The following ERICH1 variants were observed in gnomAD, a reference collection of about 807,000 sequenced individuals.
The protein encoded by ERICH1 is glutamate-rich protein 1.
A neutral mutation model predicts 39.6 loss-of-function variants in ERICH1; 56 were observed. The observed-to-expected ratio is 1.41, with a 90% confidence interval of 1.14 to 1.77. ERICH1 has a LOEUF of 1.77. ERICH1 is among the 40% of genes most tolerant of loss of function. The pLI, the probability that ERICH1 is intolerant of heterozygous loss-of-function variation, is 0.00. For synonymous variants in ERICH1, 313 were observed against 223.6 expected, an observed-to-expected ratio of 1.40 and a Z score of -3.57; for missense variants, 826 against 575.4, an observed-to-expected ratio of 1.44 and a Z score of -4.45.
In ERICH1 at chr8:715,741, C is replaced by T. The variant is rs942323199; in HGVS notation, c.169+120G>A. 24 of 1,339,006 alleles carry T rather than the reference C, an allele frequency of 1.8e-5. No individual in the cohort carries two copies. The East Asian group carries it at 3.1e-4, about 17-fold the overall frequency. The allele number at this position is 1,339,006 out of a possible 1,614,324, so 82.9% of individuals were successfully genotyped here. A position where few individuals can be genotyped will look rare whatever the true frequency, so the allele number is the denominator to read the frequency against. ...GCCTGCCCTGCCCACCTGCTGCAGGCCCTCTGCAGACCTGCAGACAGATGC... is the reference window on the plus strand; with the variant it reads ...GCCTGCCCTGCCCACCTGCTGCAGGTCCTCTGCAGACCTGCAGACAGATGC... On this transcript the variant is annotated intron_variant, in intron 2 of 5. Transcript: ENST00000262109.
downstream of ERICH1, among the ~76,000 whole-genome samples, chr8:663,509 G>C (rs1201297059): frequency 8.9e-6 from 1 of 112,528 alleles, no homozygotes; most frequent in Non-Finnish European, 1.8e-5. Context: ...CTGGGACACG[G>C]ATGCTCACAG....
At chr8:670,874 C>G (rs1025741957) in intron 4 of ERICH1, among the ~76,000 whole-genome samples, 1 of 147,516 alleles carries the variant, frequency 6.8e-6, no homozygotes, top group East Asian at 2.1e-4. Flanking sequence ...CTGAGCCCAC[C>G]GGTCCCCAGG....
chr8:689,953 T>C (rs1808536824), intron 3 of ERICH1, among the ~76,000 whole-genome samples: 1 of 151,870 alleles, frequency 6.6e-6, no homozygotes, highest in Admixed American at 6.6e-5. Flanking sequence ...CTGCTAAATG[T>C]GGCTGTGTAG....
intron 3 of ERICH1, among the ~76,000 whole-genome samples, chr8:653,283 CTA>C (rs1800205008): frequency 6.6e-6 from 1 of 152,244 alleles, no homozygotes; most frequent in Admixed American, 6.5e-5. Flanking sequence ...GCCAGGACGT[CTA>C]TGTTTGAGTC....
At chr8:660,095 C>A (rs909216739), downstream of ERICH1, among the ~76,000 whole-genome samples, 1 of 152,050 alleles carries the variant, frequency 6.6e-6, no homozygotes, top group Admixed American at 6.5e-5. Context: ...GCTGAGCTCC[C>A]GAAGGCAGGG....
chr8:658,153 T>G (rs10090386), intron 3 of ERICH1, among the ~76,000 whole-genome samples: 29,362 of 152,252 alleles, frequency 0.19, 3,487 homozygotes, highest in Middle Eastern at 0.34. Context: ...CTTCCAGGGC[T>G]TCGGCTGCAG....
intron 3 of ERICH1, among the ~76,000 whole-genome samples, chr8:652,392 C>T (rs990005210): frequency 6.6e-6 from 1 of 152,190 alleles, no homozygotes; most frequent in African/African-American, 2.4e-5. Context: ...AGAGCCCGAC[C>T]GTTGTTGGCT....
At chr8:630,618 A>T (rs1430203293) in intron 3 of ERICH1, among the ~76,000 whole-genome samples, 3 of 114,812 alleles carry the variant, frequency 2.6e-5, no homozygotes, top group East Asian at 2.8e-4. Flanking sequence ...GAGCACCCAC[A>T]CAGACAGAGC....
chr8:692,772 A>T (rs1809216129), intron 2 of ERICH1, among the ~76,000 whole-genome samples, 160 bp from the exon 3 acceptor site: 1 of 152,240 alleles, frequency 6.6e-6, no homozygotes, highest in Non-Finnish European at 1.5e-5. Flanking sequence ...TGATTTTAAT[A>T]TGTCAAGTAT....
At chr8:657,155 C>G (rs1176857442) in intron 3 of ERICH1, among the ~76,000 whole-genome samples, 1 of 152,168 alleles carries the variant, frequency 6.6e-6, no homozygotes, top group Non-Finnish European at 1.5e-5. Flanking sequence ...ATAGATACTG[C>G]AAGAGTTGAA....
chr8:678,846 G>A (rs865986070), intron 3 of ERICH1, among the ~76,000 whole-genome samples: 7 of 152,236 alleles, frequency 4.6e-5, no homozygotes, highest in East Asian at 1.9e-4. Flanking sequence ...TTACATACCC[G>A]TTTCCAGATA....
intron 3 of ERICH1, among the ~76,000 whole-genome samples, chr8:658,085 C>T (rs567497942): frequency 3.7e-4 from 57 of 152,354 alleles, no homozygotes; most frequent in Middle Eastern, 3.4e-3. Context: ...TTCTTAGCTC[C>T]GGCTGCTGCT....
chr8:640,115 T>C (rs1024879561), intron 3 of ERICH1, among the ~76,000 whole-genome samples: 1 of 152,200 alleles, frequency 6.6e-6, no homozygotes, highest in Non-Finnish European at 1.5e-5. Context: ...CTGAAATACT[T>C]GCCTGAGACA....
intron 2 of ERICH1, among the ~76,000 whole-genome samples, chr8:694,642 G>A (rs1279165707): frequency 1.3e-5 from 2 of 152,242 alleles, no homozygotes; most frequent in African/African-American, 2.4e-5. Flanking sequence ...CACGCAGACA[G>A]GAGCACCACG....
intron 2 of ERICH1, among the ~76,000 whole-genome samples, chr8:695,263 C>G (rs2132100568): frequency 6.6e-6 from 1 of 152,186 alleles, no homozygotes; most frequent in Admixed American, 6.5e-5. Context: ...CTCATCCGTT[C>G]CCTCCTGGCT....
chr8:677,311 G>T (rs1466672313), intron 3 of ERICH1, among the ~76,000 whole-genome samples: 1 of 152,214 alleles, frequency 6.6e-6, no homozygotes, highest in Non-Finnish European at 1.5e-5. Flanking sequence ...CGCCGCTGTG[G>T]AACTGTGAGA....
chr8:681,343 A>G (rs893446856), intron 3 of ERICH1, among the ~76,000 whole-genome samples: 5 of 152,186 alleles, frequency 3.3e-5, no homozygotes, highest in African/African-American at 1.2e-4. Context: ...GAAAAACAAC[A>G]TCCTCTAACT....
intron 1 of ERICH1, among the ~76,000 whole-genome samples, chr8:727,887 C>G (rs573649769): frequency 6.6e-6 from 1 of 152,200 alleles, no homozygotes; most frequent in Non-Finnish European, 1.5e-5. Flanking sequence ...GCAGGGGGCA[C>G]TGTGGGGCAG....
intron 1 of ERICH1, among the ~76,000 whole-genome samples, chr8:720,219 G>T (rs534131558): frequency 7.9e-5 from 12 of 152,194 alleles, no homozygotes; most frequent in African/African-American, 2.9e-4. Flanking sequence ...AATGCAGGCC[G>T]CGCAGACATA....
Sources: gnomAD v4.1 joint callset for allele counts (sites outside exome capture counted in the v4.1 genomes callset) on GRCh38, gnomAD v4.1.1 for gene constraint, MANE v1.5 for transcripts, NCBI Gene and HGNC (gene_info 2026-07-23, HGNC 2026-07-21) for gene names.